PLCE1: variants seen among roughly 807,000 people sequenced by gnomAD.
PLCE1 encodes 1-phosphatidylinositol 4,5-bisphosphate phosphodiesterase epsilon-1.
In PLCE1, 119 loss-of-function variants were observed where a neutral mutation model predicts 242.8. The observed-to-expected ratio is 0.49, with a 90% CI of 0.42 to 0.57. The LOEUF (loss-of-function observed/expected upper bound fraction) is 0.57. PLCE1 is among the 20% of genes least tolerant of loss of function. PLCE1 has a pLI of 0.00. For synonymous variants in PLCE1, 945 were observed against 1,017.4 expected (o/e 0.93, Z 1.35); for missense variants, 2,441 against 2,788.8 (o/e 0.88, Z 2.81).
chr10:94,282,878 A>G (rs2052293244), intron 20 of PLCE1, among the ~76,000 whole-genome samples: 1 of 152,138 alleles, frequency 6.6e-6, no homozygotes. Flanking sequence ...GGATGTCAGC[A>G]TTCTGTTTCC....
chr10:94,267,620 T>A (rs1286458382), intron 16 of PLCE1, among the ~76,000 whole-genome samples: 2 of 152,204 alleles, frequency 1.3e-5, no homozygotes, highest in African/African-American at 4.8e-5. Context: ...TACACAGACT[T>A]TGGTGAAGAC....
chr10:94,222,613 G>T (rs980300980), intron 4 of PLCE1, among the ~76,000 whole-genome samples: 1 of 152,224 alleles, frequency 6.6e-6, no homozygotes, highest in East Asian at 1.9e-4. Flanking sequence ...GACTCCTGAA[G>T]GCAGCCTCAC....
Position 94,308,584 on chromosome 10 carries a change from A to G in PLCE1, c.5888A>G (p.Tyr1963Cys). 1 of 1,596,578 alleles carries G rather than the reference A, an allele frequency of 6.3e-7. No individual in the cohort carries two copies. Among genetic ancestry groups the G allele is most frequent in the East Asian group, 2.2e-5 (1 of 44,804 alleles). ...IIPLKALKRG[Y>C]RHLQLRNLHN... Reference sequence around the variant, plus strand: ...TCCCAATTCTGTATTACTCCAGGATATCGACATCTTCAGCTGCGAAACCTT... The same window carrying G: ...TCCCAATTCTGTATTACTCCAGGATGTCGACATCTTCAGCTGCGAAACCTT... Residue 1963 changes from tyrosine to cysteine, a missense_variant, in exon 27 of 33, where the codon TAT becomes TGT. Coordinates refer to ENST00000371380, the MANE Select transcript of PLCE1 (RefSeq NM_016341.4).
At chr10:94,229,810 T>G (rs2050081504) in intron 5 of PLCE1, among the ~76,000 whole-genome samples, 1 of 152,272 alleles carries the variant, frequency 6.6e-6, no homozygotes, top group Non-Finnish European at 1.5e-5. Flanking sequence ...GACCCACTGC[T>G]GCCTAGTTTC....
intron 1 of PLCE1, among the ~76,000 whole-genome samples, chr10:94,001,840 A>G (rs1447246268): frequency 2.0e-5 from 3 of 152,230 alleles, no homozygotes; most frequent in African/African-American, 4.8e-5. Flanking sequence ...TGTTTTGCCA[A>G]TCTCAGAAAG....
intron 3 of PLCE1, chr10:94,138,155 G>A: frequency 7.7e-6 from 3 of 387,242 alleles, no homozygotes; most frequent in Non-Finnish European, 1.0e-5. Context: ...ACCATGCAAA[G>A]AAGTCTGAGG....
In PLCE1 at chr10:94,259,779, A is replaced by G. The variant is rs147960539; in HGVS notation, c.3814+629A>G. ...ATTTTCATGCTGCTGATGAAGACATACCCAAGACTGGGTAATTTATAAGGA... is the reference window on the plus strand; with the variant it reads ...ATTTTCATGCTGCTGATGAAGACATGCCCAAGACTGGGTAATTTATAAGGA... On this transcript the variant is annotated intron_variant, in intron 13 of 32. Transcript: ENST00000371380. Among the ~76,000 whole-genome samples, 1,190 of 152,218 alleles carry G rather than the reference A, an allele frequency of 7.8e-3. 15 individuals carry two copies. The highest frequency in any genetic ancestry group is 0.028 in the African/African-American group (1,145 of 41,514).
intron 18 of PLCE1, among the ~76,000 whole-genome samples, chr10:94,271,226 G>T (rs2051718095): frequency 6.6e-6 from 1 of 151,604 alleles, no homozygotes; most frequent in Admixed American, 6.6e-5. Context: ...AGGGATGCCA[G>T]GATGTCATCT....
chr10:94,318,218 A>T (rs2053643379), intron 29 of PLCE1, among the ~76,000 whole-genome samples: 1 of 152,250 alleles, frequency 6.6e-6, no homozygotes, highest in South Asian at 2.1e-4. Flanking sequence ...CTAATTGCTA[A>T]GACAGAGACC....
chr10:94,232,068 G>C (rs760308662), intron 5 of PLCE1, among the ~76,000 whole-genome samples: 2 of 152,196 alleles, frequency 1.3e-5, no homozygotes, highest in Non-Finnish European at 1.5e-5. Flanking sequence ...AAAGTATTAA[G>C]AATTTTAAGG....
At chr10:94,081,150 A>C (rs774991158) in intron 2 of PLCE1, among the ~76,000 whole-genome samples, 11 of 152,154 alleles carry the variant, frequency 7.2e-5, no homozygotes, top group Non-Finnish European at 1.5e-4. Context: ...TGCTTCTATG[A>C]ATTACATGTT....
chr10:94,258,958 G>A (rs887121633), intron 12 of PLCE1, 36 bp downstream of exon 12: 12 of 1,613,720 alleles, frequency 7.4e-6, no homozygotes, highest in Non-Finnish European at 1.0e-5. Context: ...TCTTTCTCAG[G>A]CCCCCCCATT....
chr10:94,218,770 AC>A, intron 4 of PLCE1, among the ~76,000 whole-genome samples: 1 of 151,822 alleles, frequency 6.6e-6, no homozygotes, highest in African/African-American at 2.4e-5. Flanking sequence ...TGGGAGGGCA[AC>A]TGGGACCAAG....
At chr10:94,076,866 A>C (rs2044519182) in intron 2 of PLCE1, among the ~76,000 whole-genome samples, 1 of 149,970 alleles carries the variant, frequency 6.7e-6, no homozygotes, top group African/African-American at 2.5e-5. Flanking sequence ...CACCCGTTTA[A>C]ACCTTTGTCT....
intron 2 of PLCE1, among the ~76,000 whole-genome samples, chr10:94,067,619 C>G (rs146425093): frequency 6.6e-6 from 1 of 152,082 alleles, no homozygotes; most frequent in Non-Finnish European, 1.5e-5. Context: ...TGAGCAACAC[C>G]CCAGGGCTAA....
intron 2 of PLCE1, chr10:94,104,684 T>C (rs938407940): frequency 2.6e-5 from 4 of 152,188 alleles, no homozygotes; most frequent in African/African-American, 9.7e-5. Flanking sequence ...CGATTTATAT[T>C]TGGCCTTCAG....
At chr10:94,303,379 G>A (rs184960001) in intron 24 of PLCE1, among the ~76,000 whole-genome samples, 2 of 152,288 alleles carry the variant, frequency 1.3e-5, no homozygotes, top group East Asian at 3.9e-4. Flanking sequence ...TAAGAGCCCA[G>A]AAACAGTGCA....
intron 3 of PLCE1, chr10:94,138,434 C>T (rs2135977347): frequency 2.4e-6 from 1 of 414,188 alleles, no homozygotes. Context: ...TGCTATTAAC[C>T]ACCCACTCTG....
chr10:94,232,987 C>T (rs1038807788), intron 5 of PLCE1, among the ~76,000 whole-genome samples: 4 of 152,198 alleles, frequency 2.6e-5, no homozygotes, highest in Admixed American at 1.3e-4. Flanking sequence ...GGGGTGACTT[C>T]ATCCTCTCAC....
Sources: allele counts gnomAD v4.1 joint callset (sites outside exome capture counted in the v4.1 genomes callset), GRCh38; gene constraint gnomAD v4.1.1; transcripts MANE v1.5; gene names NCBI Gene and HGNC (gene_info 2026-07-23, HGNC 2026-07-21).